The following CWC27 variants were observed in gnomAD, a reference collection of about 807,000 sequenced individuals.
The protein encoded by CWC27 is CWC27 spliceosome associated cyclophilin, also known as spliceosome-associated protein CWC27 homolog.
A neutral mutation model predicts 63.6 loss-of-function variants in CWC27; 47 were observed. The observed-to-expected ratio is 0.74, with a 90% CI of 0.58 to 0.94. CWC27 has a LOEUF of 0.94. CWC27 is among the 40% of genes least tolerant of loss of function. The pLI is 0.00. For missense variants in CWC27, 495 were observed against 554.3 expected, an observed-to-expected ratio of 0.89 and a Z score of 1.07; for synonymous variants, 175 against 179.8, an observed-to-expected ratio of 0.97 and a Z score of 0.22.
intron 12 of CWC27, among the ~76,000 whole-genome samples, chr5:64,974,230 T>G (rs1298115785): frequency 6.6e-6 from 1 of 151,872 alleles, no homozygotes; most frequent in Non-Finnish European, 1.5e-5. Flanking sequence ...AGAGTGAGAC[T>G]CTATCTCTTA....
At chr5:64,799,976 G>A (rs1744431129) in intron 7 of CWC27, among the ~76,000 whole-genome samples, 3 of 152,076 alleles carry the variant, frequency 2.0e-5, no homozygotes, top group African/African-American at 7.2e-5. Flanking sequence ...AAATTATTAT[G>A]AGAATTTAGT....
At chr5:64,799,600 ATAC>A (rs1236981955) in intron 7 of CWC27, among the ~76,000 whole-genome samples, 8 of 148,414 alleles carry the variant, frequency 5.4e-5, no homozygotes, top group African/African-American at 2.0e-4. Flanking sequence ...ATATATATAT[ATAC>A]TTAATAGCAG....
At chr5:64,885,936 G>A (rs929658753) in intron 11 of CWC27, among the ~76,000 whole-genome samples, 1 of 151,972 alleles carries the variant, frequency 6.6e-6, no homozygotes, top group Admixed American at 6.6e-5. Context: ...GCACAAGGGT[G>A]GAATGTTTAT....
intron 7 of CWC27, among the ~76,000 whole-genome samples, chr5:64,798,669 C>T (rs1294170899): frequency 6.6e-6 from 1 of 152,014 alleles, no homozygotes; most frequent in Non-Finnish European, 1.5e-5. Flanking sequence ...CATATTAATA[C>T]AGAAATTAAA....
chr5:64,879,875 C>A (rs1262675917), intron 10 of CWC27, among the ~76,000 whole-genome samples: 22 of 151,852 alleles, frequency 1.4e-4, no homozygotes, highest in South Asian at 2.1e-4. Context: ...GGCATTTATA[C>A]TTTACCCCAG....
chr5:64,991,553 C>G (rs976123390), intron 13 of CWC27, among the ~76,000 whole-genome samples: 1 of 151,960 alleles, frequency 6.6e-6, no homozygotes, highest in Non-Finnish European at 1.5e-5. Flanking sequence ...AGCAACACAC[C>G]ATCTCTACAA....
chr5:64,868,545 G>A lies in CWC27; in HGVS notation c.939-16898G>A, dbSNP rs370010496. Among the ~76,000 whole-genome samples the A allele has an allele frequency of 7.2e-5, 11 of 152,076 alleles. No homozygotes were observed. The East Asian group carries it at 1.7e-3, about 24-fold the overall frequency. ...CCAAAGCAGCATTCTGTTTCTCAAGGTGTAGGCCCCACCCCAAACCCACAG... is the reference window on the plus strand; with the variant it reads ...CCAAAGCAGCATTCTGTTTCTCAAGATGTAGGCCCCACCCCAAACCCACAG... On this transcript the variant is annotated intron_variant, in intron 10 of 13. Coordinates refer to ENST00000381070, the MANE Select transcript of CWC27 (RefSeq NM_005869.4).
At chr5:64,800,740 A>T (rs1036054962) in intron 8 of CWC27, among the ~76,000 whole-genome samples, 1 of 152,174 alleles carries the variant, frequency 6.6e-6, no homozygotes, top group Non-Finnish European at 1.5e-5. Context: ...CAGTCCACTG[A>T]CTATAAATTC....
intron 10 of CWC27, among the ~76,000 whole-genome samples, chr5:64,882,428 A>T (rs368341539): frequency 7.2e-5 from 11 of 152,146 alleles, no homozygotes; most frequent in Non-Finnish European, 1.2e-4. Context: ...GCTAGTCTCA[A>T]TTGAGATTTG....
intron 10 of CWC27, among the ~76,000 whole-genome samples, chr5:64,826,504 T>C (rs1252689573): frequency 2.0e-5 from 3 of 152,162 alleles, no homozygotes; most frequent in African/African-American, 7.2e-5. Context: ...ATGCCCCCAA[T>C]ATTTTTGATG....
intron 11 of CWC27, among the ~76,000 whole-genome samples, chr5:64,950,711 T>C (rs564249520): frequency 2.6e-5 from 4 of 152,100 alleles, no homozygotes; most frequent in South Asian, 4.1e-4. Flanking sequence ...TGTACAGTTA[T>C]ATAACCACCA....
intron 10 of CWC27, among the ~76,000 whole-genome samples, chr5:64,838,224 CAT>C (rs1745708163): frequency 1.3e-5 from 2 of 152,128 alleles, no homozygotes; most frequent in Admixed American, 1.3e-4. Context: ...TGTACATTCA[CAT>C]GTGTGCTTTT....
At chr5:64,803,257 C>T (rs1388880001) in intron 9 of CWC27, among the ~76,000 whole-genome samples, 1 of 152,092 alleles carries the variant, frequency 6.6e-6, no homozygotes, top group Non-Finnish European at 1.5e-5. Flanking sequence ...GAAAGAATCA[C>T]AAAAGAAAAA....
chr5:64,799,941 A>C (rs1014638562), intron 7 of CWC27, among the ~76,000 whole-genome samples: 4 of 152,082 alleles, frequency 2.6e-5, no homozygotes, highest in African/African-American at 9.7e-5. Context: ...AGGGGTCATA[A>C]AAATTAACTA....
chr5:64,969,497 G>A (rs1411779890), intron 11 of CWC27, among the ~76,000 whole-genome samples: 1 of 152,110 alleles, frequency 6.6e-6, no homozygotes, highest in East Asian at 1.9e-4. Flanking sequence ...AGGCTGGCGA[G>A]GGGAAGAGGG....
intron 10 of CWC27, among the ~76,000 whole-genome samples, chr5:64,817,782 A>G (rs1745084570): frequency 2.0e-5 from 3 of 152,142 alleles, no homozygotes; most frequent in Non-Finnish European, 4.4e-5. Context: ...AGTCTCAGTT[A>G]TTTAATTTAT....
chr5:64,889,124 A>G (rs776749747), intron 11 of CWC27, among the ~76,000 whole-genome samples: 1 of 152,224 alleles, frequency 6.6e-6, no homozygotes, highest in Non-Finnish European at 1.5e-5. Context: ...ATGAAAGACA[A>G]GGAATGATTG....
intron 6 of CWC27, 74 bp from the exon 7 acceptor site, chr5:64,788,877 C>T: frequency 1.0e-6 from 1 of 981,128 alleles, no homozygotes; most frequent in Admixed American, 2.3e-5. Context: ...TTCTCTTGCT[C>T]TGAAAATAAG....
At chr5:64,999,464 A>G (rs1173644406) in intron 13 of CWC27, among the ~76,000 whole-genome samples, 2 of 152,070 alleles carry the variant, frequency 1.3e-5, no homozygotes, top group Non-Finnish European at 2.9e-5. Context: ...GTTTGTATCC[A>G]TTAACCAACC....
Sources: gnomAD v4.1 joint callset for allele counts (sites outside exome capture counted in the v4.1 genomes callset) on GRCh38, gnomAD v4.1.1 for gene constraint, MANE v1.5 for transcripts, NCBI Gene and HGNC (gene_info 2026-07-23, HGNC 2026-07-21) for gene names.